The following RASGRP3 variants were observed in gnomAD, a reference collection of about 807,000 sequenced individuals.
RASGRP3 encodes the protein ras guanyl-releasing protein 3.
In RASGRP3, 54 loss-of-function variants were observed where a neutral mutation model predicts 82.7. The observed-to-expected ratio is 0.65, with a 90% CI of 0.52 to 0.82. The LOEUF (loss-of-function observed/expected upper bound fraction) is 0.82, where lower values mean the gene tolerates loss of function less well. Ranked by LOEUF, RASGRP3 falls within the 40% of genes least tolerant of loss-of-function variation. The pLI is 0.00. For missense variants in RASGRP3, 861 were observed against 828.9 expected, an observed-to-expected ratio of 1.04 and a Z score of -0.48; for synonymous variants, 309 against 300.5, an observed-to-expected ratio of 1.03 and a Z score of -0.29.
chr2:33,551,731 C>T (rs892191829), intron 14 of RASGRP3, among the ~76,000 whole-genome samples: 3 of 152,196 alleles, frequency 2.0e-5, no homozygotes, highest in Non-Finnish European at 2.9e-5. Flanking sequence ...CGGTGGCTCA[C>T]GCCTATAATC....
intron 1 of RASGRP3, among the ~76,000 whole-genome samples, chr2:33,495,472 C>G (rs955768049): frequency 6.6e-6 from 1 of 152,180 alleles, no homozygotes; most frequent in East Asian, 1.9e-4. Flanking sequence ...CCGCATTCAC[C>G]TCCTGCCGGG....
intron 1 of RASGRP3, among the ~76,000 whole-genome samples, chr2:33,445,879 C>A (rs913112257): frequency 6.6e-6 from 1 of 151,992 alleles, no homozygotes; most frequent in African/African-American, 2.4e-5. Context: ...CAGGGACAAG[C>A]GTAAGAGATA....
At chr2:33,455,166 C>A (rs996114704) in intron 2 of RASGRP3, among the ~76,000 whole-genome samples, 2 of 152,156 alleles carry the variant, frequency 1.3e-5, no homozygotes, top group Non-Finnish European at 2.9e-5. Flanking sequence ...TTAAAACAGT[C>A]TTATGGATGT....
At chr2:33,520,473 G>A in intron 5 of RASGRP3, 80 bp from the exon 6 acceptor site, 1 of 1,548,234 alleles carries the variant, frequency 6.5e-7, no homozygotes, top group Non-Finnish European at 8.8e-7. Context: ...GTTAAATGTA[G>A]TCTGTAAAAC....
chr2:33,527,080 C>T lies in RASGRP3; in HGVS notation c.808-57C>T, dbSNP rs575330252. 2.4e-5 allele frequency: 38 copies of T among 1,576,556 alleles called. No homozygotes were observed. In the East Asian group the frequency reaches 3.1e-4, roughly 13 times the overall value. On this transcript the variant is annotated intron_variant, in intron 9 of 17. Transcript: ENST00000403687. ...TTTCCTAGCCACACATTGCAGGGCC[C>T]GGGGGTGTGCAGGAGGGAAAGTTGT... is the stretch of plus-strand genomic sequence containing the variant.
In RASGRP3 at chr2:33,485,740, GT is replaced by G. The variant is rs755801133; in HGVS notation, c.-261+9034del. On this transcript the variant is annotated intron_variant, in intron 1 of 17. Coordinates refer to ENST00000403687, the MANE Select transcript of RASGRP3 (RefSeq NM_001139488.2). ...AAGCAGAACCAGTGTAAAATATCTC[GT>G]GCTATTTTAATTCTTTATGTTTTTA... is the stretch of plus-strand genomic sequence containing the variant. Among the ~76,000 whole-genome samples, 116 of 152,256 alleles carry G rather than the reference GT, an allele frequency of 7.6e-4. 1 individual carries two copies. Among genetic ancestry groups the G allele is most frequent in the Non-Finnish European group, 1.4e-3 (96 of 68,008 alleles).
In RASGRP3 at chr2:33,522,010, G is replaced by C. The variant is rs1476223442; in HGVS notation, c.424G>C (p.Gly142Arg). ...VTQRKKVSKK[G>R]KACLLFDHLE... ...ACAGAGGAAAAAAGTATCCAAGAAGGGAAAAGCCTGTCTGCTGTTTGACCA... is the reference window on the plus strand; with the variant it reads ...ACAGAGGAAAAAAGTATCCAAGAAGCGAAAAGCCTGTCTGCTGTTTGACCA... Residue 142 changes from glycine (G) to arginine (R), a missense_variant, in exon 7 of 18, where the codon GGA becomes CGA. Transcript: ENST00000403687. 2 of 1,613,838 alleles carry C rather than the reference G, an allele frequency of 1.2e-6. No homozygotes were observed. Among genetic ancestry groups the C allele is most frequent in the Admixed American group, 1.7e-5 (1 of 59,990 alleles).
At chr2:33,549,305 A>G (rs1250642052) in intron 13 of RASGRP3, among the ~76,000 whole-genome samples, 1 of 151,876 alleles carries the variant, frequency 6.6e-6, no homozygotes, top group African/African-American at 2.4e-5. Flanking sequence ...TGCTTTTCAT[A>G]ATAAAGACTT....
At position 33,509,633 on chromosome 2, in the gene RASGRP3, C is replaced by T. The variant is rs190557162; in HGVS notation, c.-260-2077C>T. Among the ~76,000 whole-genome samples the T allele has an allele frequency of 3.9e-5, 6 of 152,336 alleles. No homozygotes were observed. The East Asian group carries it at 1.2e-3, about 29-fold the overall frequency. Reference sequence around the variant, plus strand: ...CATTACTAAGCTAAAACTCCTCAGGCTTCTAGACTAAATTAGTGCCCCTCC... The same window carrying T: ...CATTACTAAGCTAAAACTCCTCAGGTTTCTAGACTAAATTAGTGCCCCTCC... On this transcript the variant is annotated intron_variant, in intron 1 of 17. Coordinates refer to ENST00000403687, the MANE Select transcript of RASGRP3 (RefSeq NM_001139488.2).
intron 10 of RASGRP3, chr2:33,532,398 TATC>T (rs1673180466): frequency 6.6e-6 from 1 of 152,164 alleles, no homozygotes; most frequent in Non-Finnish European, 1.5e-5. Flanking sequence ...AGGTCCCACT[TATC>T]ATCACACATT....
At chr2:33,469,052 A>G (rs554347557) in intron 2 of RASGRP3, among the ~76,000 whole-genome samples, 2 of 152,306 alleles carry the variant, frequency 1.3e-5, no homozygotes, top group African/African-American at 4.8e-5. Flanking sequence ...TGTCAAGTTT[A>G]TAGATAATAA....
At chr2:33,534,820 C>A (rs1673448753) in intron 11 of RASGRP3, among the ~76,000 whole-genome samples, 1 of 151,594 alleles carries the variant, frequency 6.6e-6, no homozygotes. Context: ...GGATTACAGG[C>A]ATGAGTCACC....
intron 8 of RASGRP3, among the ~76,000 whole-genome samples, 166 bp downstream of exon 8, chr2:33,524,218 C>T (rs1411677556): frequency 6.6e-6 from 1 of 152,192 alleles, no homozygotes; most frequent in Non-Finnish European, 1.5e-5. Flanking sequence ...AAGAAGATTG[C>T]TTTCAGAAAG....
At position 33,558,232 on chromosome 2, in the gene RASGRP3, A is replaced by G. The variant is rs762202668; in HGVS notation, c.1601A>G (p.Lys534Arg). Residue 534 changes from lysine to arginine, a missense_variant, in exon 16 of 18, where the codon AAA becomes AGA. Coordinates refer to ENST00000403687, the MANE Select transcript of RASGRP3 (RefSeq NM_001139488.2). The part of the protein sequence containing the change: ...KCKDCGANCH[K>R]QCKDLLVLAC... Reference sequence around the variant, plus strand: ...TCAGACTGTGGAGCCAATTGTCACAAACAGTGCAAAGACCTCCTGGTTCTG... The same window carrying G: ...TCAGACTGTGGAGCCAATTGTCACAGACAGTGCAAAGACCTCCTGGTTCTG... The G allele has an allele frequency of 8.1e-6, 13 of 1,611,712 alleles. No homozygotes were observed. Among genetic ancestry groups the G allele is most frequent in the Non-Finnish European group, 1.1e-5 (13 of 1,179,068 alleles).
intron 2 of RASGRP3, among the ~76,000 whole-genome samples, chr2:33,454,484 G>T (rs1340704575): frequency 6.6e-6 from 1 of 152,214 alleles, no homozygotes; most frequent in Non-Finnish European, 1.5e-5. Context: ...CATCAAAATG[G>T]ATTAAGAATA....
In RASGRP3 at chr2:33,562,904, T is replaced by C. The variant is rs1436135530; in HGVS notation, c.*167T>C. On this transcript the variant is annotated 3_prime_UTR_variant, in exon 18 of 18. Coordinates refer to ENST00000403687, the MANE Select transcript of RASGRP3 (RefSeq NM_001139488.2). ...CATGTTTGGACTATGGGACAGAGAA[T>C]TGACCCTAACTAACTAACTATGAAC... 11 of 778,122 alleles carry C rather than the reference T, an allele frequency of 1.4e-5. No homozygotes were observed. Among genetic ancestry groups the C allele is most frequent in the East Asian group, 9.1e-5 (3 of 33,086 alleles). The allele number at this position is 778,122 out of a possible 1,614,324, so 48.2% of individuals were successfully genotyped here.
At chr2:33,452,677 A>G (rs1489782079) in intron 2 of RASGRP3, among the ~76,000 whole-genome samples, 1 of 152,160 alleles carries the variant, frequency 6.6e-6, no homozygotes. Context: ...AGTCCACACA[A>G]GGGCTAGCCT....
At chr2:33,517,806 C>T (rs557662409) in intron 4 of RASGRP3, among the ~76,000 whole-genome samples, 9 of 152,174 alleles carry the variant, frequency 5.9e-5, no homozygotes, top group Admixed American at 2.6e-4. Context: ...GCATGGCCAC[C>T]AATGCATGAA....
intron 2 of RASGRP3, among the ~76,000 whole-genome samples, chr2:33,449,928 C>G (rs866538722): frequency 1.3e-4 from 20 of 152,064 alleles, no homozygotes; most frequent in African/African-American, 4.6e-4. Flanking sequence ...CTTTAAACAA[C>G]TGTAAGCATT....
Sources: allele counts gnomAD v4.1 joint callset (sites outside exome capture counted in the v4.1 genomes callset), GRCh38; gene constraint gnomAD v4.1.1; transcripts MANE v1.5; gene names NCBI Gene and HGNC (gene_info 2026-07-23, HGNC 2026-07-21).